PIK3R4: variants seen among roughly 807,000 people sequenced by gnomAD.
The protein encoded by PIK3R4 is phosphoinositide 3-kinase regulatory subunit 4.
In PIK3R4, 46 loss-of-function variants were observed where a neutral mutation model predicts 136.5. The observed-to-expected ratio is 0.34, with a 90% CI of 0.27 to 0.43. PIK3R4 has a LOEUF of 0.43. Ranked by LOEUF, PIK3R4 falls within the 20% of genes least tolerant of loss-of-function variation. PIK3R4 has a pLI of 1.00. For missense variants in PIK3R4, 1,331 were observed against 1,649.5 expected (o/e 0.81, Z 3.35); for synonymous variants, 557 against 566.7 (o/e 0.98, Z 0.24).
intron 9 of PIK3R4, among the ~76,000 whole-genome samples, chr3:130,710,982 G>C (rs2066629654): frequency 7.2e-6 from 1 of 138,248 alleles, no homozygotes; most frequent in Non-Finnish European, 1.6e-5. Context: ...AAAATGTTAA[G>C]AACCAAGGAT....
chr3:130,734,068 C>T lies in PIK3R4; in HGVS notation c.930G>A (p.Gln310=). The T allele has an allele frequency of 6.2e-7, 1 of 1,614,132 alleles. No homozygotes were observed. Among genetic ancestry groups the T allele is most frequent in the Non-Finnish European group, 8.5e-7 (1 of 1,179,990 alleles). The change falls in exon 4 of 20, where the codon CAG becomes CAA. Residue 310 remains glutamine, a synonymous_variant. Transcript: ENST00000356763. ...TTTCAGGAAAGGCATTGCCACGCTG[C>T]TGTTTTAAGTAATCTTCTGCCTCTA... is the stretch of plus-strand genomic sequence containing the variant. ...KRLEAEDYLK[Q]QRGNAFPEIF... is the part of the protein sequence containing the mutation.
intron 5 of PIK3R4, among the ~76,000 whole-genome samples, chr3:130,730,047 G>T (rs748289671): frequency 1.9e-4 from 29 of 152,158 alleles, no homozygotes; most frequent in Non-Finnish European, 3.4e-4. Context: ...ATATAATTCA[G>T]CCAGCTTTAC....
chr3:130,698,042 G>A (rs1429468729), intron 13 of PIK3R4, among the ~76,000 whole-genome samples: 1 of 152,066 alleles, frequency 6.6e-6, no homozygotes, highest in Non-Finnish European at 1.5e-5. Context: ...ACTGACTTCT[G>A]GCCTCTATCA....
chr3:130,723,648 G>C (rs908182302), intron 6 of PIK3R4, 61 bp from the exon 7 acceptor site: 1 of 1,409,234 alleles, frequency 7.1e-7, no homozygotes, highest in Admixed American at 2.2e-5. Context: ...ATATCATTAA[G>C]TAAAGCAATA....
intron 13 of PIK3R4, among the ~76,000 whole-genome samples, chr3:130,697,532 A>G (rs904642043): frequency 2.6e-5 from 4 of 152,334 alleles, no homozygotes; most frequent in African/African-American, 7.2e-5. Flanking sequence ...GATTACATTT[A>G]TAAGTTGTGA....
At chr3:130,692,082 A>G (rs954167856) in intron 13 of PIK3R4, among the ~76,000 whole-genome samples, 1 of 151,726 alleles carries the variant, frequency 6.6e-6, no homozygotes, top group Non-Finnish European at 1.5e-5. Context: ...TCACCATGTT[A>G]GCCAGAATGG....
At chr3:130,710,718 G>C (rs2066628562) in intron 9 of PIK3R4, among the ~76,000 whole-genome samples, 1 of 152,036 alleles carries the variant, frequency 6.6e-6, no homozygotes, top group African/African-American at 2.4e-5. Flanking sequence ...TTATGAGGTT[G>C]CCAGATAAAA....
chr3:130,717,149 ATCT>A (rs2066669250), intron 8 of PIK3R4, among the ~76,000 whole-genome samples: 1 of 152,134 alleles, frequency 6.6e-6, no homozygotes, highest in African/African-American at 2.4e-5. Flanking sequence ...CAAGAAGATT[ATCT>A]TCTTTTTTTT....
chr3:130,690,729 C>G, intron 13 of PIK3R4, 75 bp from the exon 14 acceptor site: 1 of 845,550 alleles, frequency 1.2e-6, no homozygotes, highest in South Asian at 1.8e-5. Context: ...TGGCCATTAG[C>G]AAGCAAAATT....
chr3:130,691,616 G>A (rs987044647), intron 13 of PIK3R4, among the ~76,000 whole-genome samples: 1 of 151,844 alleles, frequency 6.6e-6, no homozygotes, highest in Admixed American at 6.6e-5. Context: ...ACCTCTAAAA[G>A]GTCAAAAGCC....
At chr3:130,719,482 C>T (rs1472262563) in intron 7 of PIK3R4, among the ~76,000 whole-genome samples, 1 of 152,096 alleles carries the variant, frequency 6.6e-6, no homozygotes, top group African/African-American at 2.4e-5. Context: ...ATATCTATCT[C>T]CCAAGGTCTC....
At chr3:130,724,482 G>A (rs950446581) in intron 6 of PIK3R4, among the ~76,000 whole-genome samples, 1 of 151,994 alleles carries the variant, frequency 6.6e-6, no homozygotes, top group African/African-American at 2.4e-5. Flanking sequence ...TCATAATCAT[G>A]TATTTTGTTT....
At chr3:130,744,276 TTA>T (rs1321505163) in intron 2 of PIK3R4, among the ~76,000 whole-genome samples, 2 of 152,376 alleles carry the variant, frequency 1.3e-5, no homozygotes, top group South Asian at 4.1e-4. Flanking sequence ...GCAAATATGT[TTA>T]TATGTTTGTG....
At chr3:130,729,694 T>C (rs1344153152) in intron 5 of PIK3R4, among the ~76,000 whole-genome samples, 1 of 152,198 alleles carries the variant, frequency 6.6e-6, no homozygotes, top group Non-Finnish European at 1.5e-5. Flanking sequence ...ATTGTAGTTG[T>C]TTGCAGCATA....
In PIK3R4 at chr3:130,724,649, C is replaced by G. The variant is rs562915565; in HGVS notation, c.1808-1062G>C. 2.6e-5 allele frequency among the ~76,000 whole-genome samples: 4 copies of G among 152,092 alleles called. No homozygotes were observed. The South Asian group carries it at 6.2e-4, about 24-fold the overall frequency. The stretch of plus-strand genomic sequence containing the variant: ...CAGGTAAAGAGAAAGAAAAGGGGCA[C>G]TAATCTTGTACTGCAAATCAGAGGT... On this transcript the variant is annotated intron_variant, in intron 6 of 19. Transcript: ENST00000356763.
intron 19 of PIK3R4, 131 bp downstream of exon 19, chr3:130,680,482 T>C: frequency 3.9e-6 from 2 of 515,206 alleles, no homozygotes; most frequent in Non-Finnish European, 6.9e-6. Flanking sequence ...ATACAGAAAA[T>C]TCAAGAAAAA....
At chr3:130,691,573 A>C (rs1369738969) in intron 13 of PIK3R4, among the ~76,000 whole-genome samples, 1 of 152,122 alleles carries the variant, frequency 6.6e-6, no homozygotes, top group Non-Finnish European at 1.5e-5. Context: ...TACTCTCCAC[A>C]CAGACTGCAA....
rs1250903877 is a variant in PIK3R4 at position 130,746,536 on chromosome 3, C to G, written c.-265G>C. 6.6e-6 allele frequency: 1 copy of G among 152,338 alleles called. No individual in the cohort carries two copies. The highest frequency in any genetic ancestry group is 6.5e-5 in the Admixed American group (1 of 15,276). The allele number at this position is 152,338 out of a possible 1,614,324, so 9.4% of individuals were successfully genotyped here. ...TCCTGGGAGGAGAACTGGGAAAGCTCTCGGGGTCTCAGCAGAGAGAAGAAG... is the reference window on the plus strand; with the variant it reads ...TCCTGGGAGGAGAACTGGGAAAGCTGTCGGGGTCTCAGCAGAGAGAAGAAG... On this transcript the variant is annotated 5_prime_UTR_variant, in exon 1 of 20. Coordinates refer to ENST00000356763, the MANE Select transcript of PIK3R4 (RefSeq NM_014602.3).
intron 1 of PIK3R4, among the ~76,000 whole-genome samples, chr3:130,745,776 C>A (rs1302768947): frequency 6.6e-6 from 1 of 152,210 alleles, no homozygotes; most frequent in South Asian, 2.1e-4. Flanking sequence ...GTAATCCCAG[C>A]ACTTCGGGAG....
Sources: allele counts gnomAD v4.1 joint callset (sites outside exome capture counted in the v4.1 genomes callset), GRCh38; gene constraint gnomAD v4.1.1; transcripts MANE v1.5; gene names NCBI Gene and HGNC (gene_info 2026-07-23, HGNC 2026-07-21).